Variants in PCDHA11 observed in about 807,000 individuals in gnomAD.
PCDHA11 encodes the protein protocadherin alpha 11.
PCDHA11 carries 61 observed loss-of-function variants against 70.3 expected under a neutral mutation model. That is an observed-to-expected ratio of 0.87 (90% confidence interval 0.71 to 1.07). The LOEUF (loss-of-function observed/expected upper bound fraction) is 1.07, where lower values mean the gene tolerates loss of function less well. Ranked by LOEUF, PCDHA11 falls within the 50% of genes least tolerant of loss-of-function variation. The pLI is 0.00. For missense variants in PCDHA11, 1,324 were observed against 1,237.5 expected (o/e 1.07, Z -1.05); for synonymous variants, 633 against 555.1 (o/e 1.14, Z -1.97).
chr5:141,003,104 C>G (rs1447493860), intron 3 of PCDHA11, among the ~76,000 whole-genome samples: 1 of 152,236 alleles, frequency 6.6e-6, no homozygotes, highest in East Asian at 1.9e-4. Context: ...ATTTGCTTCA[C>G]AATCTTCTGG....
At chr5:140,972,925 G>T (rs1297920795) in intron 1 of PCDHA11, among the ~76,000 whole-genome samples, 1 of 152,120 alleles carries the variant, frequency 6.6e-6, no homozygotes, top group Non-Finnish European at 1.5e-5. Context: ...GCCTCCCAAA[G>T]TGCTGGGATT....
intron 3 of PCDHA11, among the ~76,000 whole-genome samples, chr5:141,000,512 CCTT>C (rs1340468179): frequency 2.1e-5 from 3 of 144,282 alleles, no homozygotes; most frequent in Non-Finnish European, 4.5e-5. Context: ...ACTGCAACCT[CCTT>C]CTCCAGGGTT....
At chr5:140,997,656 T>G (rs2153947694) in intron 3 of PCDHA11, among the ~76,000 whole-genome samples, 1 of 149,610 alleles carries the variant, frequency 6.7e-6, no homozygotes. Flanking sequence ...GCAATATGTA[T>G]TATTATACAG....
chr5:140,908,186 G>A (rs189627133), intron 1 of PCDHA11, among the ~76,000 whole-genome samples: 52 of 152,292 alleles, frequency 3.4e-4, no homozygotes, highest in African/African-American at 1.2e-3. Context: ...CCACTTTCAG[G>A]TGGTGGACAT....
At chr5:140,948,227 A>G (rs1214697523) in intron 1 of PCDHA11, among the ~76,000 whole-genome samples, 17 of 151,634 alleles carry the variant, frequency 1.1e-4, no homozygotes, top group African/African-American at 4.1e-4. Flanking sequence ...GTTAGATTTA[A>G]CTTGTATTTT....
At position 140,869,221 on chromosome 5, in the gene PCDHA11, A is replaced by G; in HGVS notation, c.118A>G (p.Lys40Glu). 6.2e-7 allele frequency: 1 copy of G among 1,613,848 alleles called. No individual in the cohort carries two copies. The highest frequency in any genetic ancestry group is 1.1e-5 in the South Asian group (1 of 91,070). The part of the protein sequence containing the change: ...QLHYSVSEEA[K>E]HGTFVGRIAQ... ...CCACTACTCCGTCTCGGAGGAGGCCAAACACGGCACCTTCGTGGGCCGCAT... is the reference window on the plus strand; with the variant it reads ...CCACTACTCCGTCTCGGAGGAGGCCGAACACGGCACCTTCGTGGGCCGCAT... Residue 40 changes from lysine (K) to glutamate (E), a missense_variant, in exon 1 of 4, where the codon AAA becomes GAA. Transcript: ENST00000398640.
intron 1 of PCDHA11, among the ~76,000 whole-genome samples, chr5:140,900,724 C>T (rs552317505): frequency 2.0e-5 from 3 of 152,296 alleles, no homozygotes; most frequent in Admixed American, 1.3e-4. Flanking sequence ...GAAATCCTAC[C>T]TAGCAGTGGG....
At chr5:140,905,130 G>A (rs2071615464) in intron 1 of PCDHA11, among the ~76,000 whole-genome samples, 1 of 152,178 alleles carries the variant, frequency 6.6e-6, no homozygotes, top group African/African-American at 2.4e-5. Flanking sequence ...GTCTAGAAGA[G>A]TTTTTCTGCT....
intron 1 of PCDHA11, among the ~76,000 whole-genome samples, chr5:140,925,538 C>T (rs1387501905): frequency 6.6e-6 from 1 of 151,860 alleles, no homozygotes; most frequent in Non-Finnish European, 1.5e-5. Flanking sequence ...AGGAGAAATA[C>T]CTAATGTAAA....
intron 3 of PCDHA11, 34 bp from the exon 4 acceptor site, chr5:141,009,593 C>T (rs1219056557): frequency 6.2e-7 from 1 of 1,601,902 alleles, no homozygotes; most frequent in Non-Finnish European, 8.5e-7. Context: ...CATGTGTTGA[C>T]CCTGTTAATG....
At chr5:141,000,944 T>C (rs2097977292) in intron 3 of PCDHA11, among the ~76,000 whole-genome samples, 1 of 152,196 alleles carries the variant, frequency 6.6e-6, no homozygotes, top group Non-Finnish European at 1.5e-5. Flanking sequence ...GGACAAATTA[T>C]CTTGCTGTAA....
intron 2 of PCDHA11, among the ~76,000 whole-genome samples, chr5:140,980,990 G>T (rs1344931215): frequency 6.6e-6 from 1 of 152,116 alleles, no homozygotes. Flanking sequence ...CACACAATTT[G>T]CTAGTAGGAT....
intron 1 of PCDHA11, among the ~76,000 whole-genome samples, chr5:140,925,376 A>G (rs1010003214): frequency 2.0e-5 from 3 of 152,150 alleles, no homozygotes; most frequent in Non-Finnish European, 2.9e-5. Context: ...TCAATAGTCA[A>G]TGAGTCTCCT....
chr5:140,882,126 T>C, intron 1 of PCDHA11: 1 of 1,466,718 alleles, frequency 6.8e-7, no homozygotes, highest in East Asian at 2.3e-5. Flanking sequence ...GTTTCTTTCT[T>C]CCTGCAGAAA....
At chr5:140,910,874 A>T (rs1285814930) in intron 1 of PCDHA11, among the ~76,000 whole-genome samples, 2 of 151,996 alleles carry the variant, frequency 1.3e-5, no homozygotes, top group African/African-American at 4.8e-5. Flanking sequence ...ATTATCCCAC[A>T]CCCTTAATAT....
At chr5:140,959,541 C>T (rs2095493793) in intron 1 of PCDHA11, among the ~76,000 whole-genome samples, 1 of 152,002 alleles carries the variant, frequency 6.6e-6, no homozygotes, top group Non-Finnish European at 1.5e-5. Flanking sequence ...TTCAGAGATG[C>T]TGTATAAATA....
chr5:140,951,243 A>G (rs1192486913), intron 1 of PCDHA11, among the ~76,000 whole-genome samples: 3 of 152,172 alleles, frequency 2.0e-5, no homozygotes, highest in Non-Finnish European at 4.4e-5. Context: ...ACCTTTAGGA[A>G]TGCATCACAT....
chr5:140,923,529 A>C lies in PCDHA11; in HGVS notation c.2391+52035A>C, dbSNP rs915297152. Among the ~76,000 whole-genome samples the C allele has an allele frequency of 1.5e-4, 23 of 152,138 alleles. 1 individual carries two copies. The highest frequency in any genetic ancestry group is 1.2e-3 in the Admixed American group (19 of 15,268). On this transcript the variant is annotated intron_variant, in intron 1 of 3. Transcript: ENST00000398640. ...GGATGATGAAGTGAGATTCTGTCCC[A>C]AAAAAAGGACAAAATGAAATATCAG... is the stretch of plus-strand genomic sequence containing the variant.
intron 1 of PCDHA11, chr5:140,929,696 A>G (rs955159626): frequency 2.6e-5 from 7 of 266,458 alleles, no homozygotes; most frequent in African/African-American, 1.3e-4. Flanking sequence ...TCTGCTTTAT[A>G]TGAATATAAT....
Sources: allele counts gnomAD v4.1 joint callset (sites outside exome capture counted in the v4.1 genomes callset), GRCh38; gene constraint gnomAD v4.1.1; transcripts MANE v1.5; gene names NCBI Gene and HGNC (gene_info 2026-07-23, HGNC 2026-07-21).